Variants in PTPRQ observed in about 807,000 individuals in gnomAD.
The protein encoded by PTPRQ is phosphatidylinositol phosphatase PTPRQ.
Under a neutral mutation model 246.0 loss-of-function variants are expected in PTPRQ, and 199 were observed. The ratio of observed to expected loss-of-function variants is 0.81; its 90% CI spans 0.72 to 0.91. The LOEUF is 0.91. PTPRQ is among the 40% of genes least tolerant of loss of function. The probability of loss-of-function intolerance (pLI) is 0.00; values close to 1 mark genes in which losing one functional copy is unlikely to be tolerated. For synonymous variants in PTPRQ, 869 were observed against 853.2 expected (o/e 1.02, Z -0.32); for missense variants, 2,624 against 2,528.4 (o/e 1.04, Z -0.81).
intron 6 of PTPRQ, among the ~76,000 whole-genome samples, chr12:80,463,998 G>T (rs1489311585): frequency 6.6e-6 from 1 of 151,618 alleles, no homozygotes. Context: ...ATACTGACAG[G>T]TTCAAATTCA....
At chr12:80,543,543 A>G (rs865822125) in intron 23 of PTPRQ, among the ~76,000 whole-genome samples, 11 of 152,010 alleles carry the variant, frequency 7.2e-5, no homozygotes, top group South Asian at 2.1e-4. Context: ...TTTTTTCCCC[A>G]AAGGCAAATG....
chr12:80,566,244 G>A (rs756975229), intron 25 of PTPRQ, among the ~76,000 whole-genome samples: 33 of 152,138 alleles, frequency 2.2e-4, no homozygotes, highest in Admixed American at 2.0e-3. Context: ...TTGGGAGGCC[G>A]AGGCAGGTGG....
intron 25 of PTPRQ, among the ~76,000 whole-genome samples, chr12:80,552,509 C>T (rs1896504547): frequency 6.6e-6 from 1 of 150,878 alleles, no homozygotes. Context: ...TATACTGGTA[C>T]TCAAAGTGAC....
intron 8 of PTPRQ, among the ~76,000 whole-genome samples, chr12:80,477,414 A>T (rs1009873729): frequency 6.6e-6 from 1 of 152,156 alleles, no homozygotes; most frequent in Non-Finnish European, 1.5e-5. Context: ...TTCTCAAGAA[A>T]ATTATTTTTA....
At chr12:80,478,956 G>C (rs1592558691) in intron 8 of PTPRQ, among the ~76,000 whole-genome samples, 1 of 152,050 alleles carries the variant, frequency 6.6e-6, no homozygotes. Context: ...CACTCTGCAG[G>C]ATATTATCCA....
intron 24 of PTPRQ, 136 bp from the exon 25 acceptor site, chr12:80,549,329 G>A: frequency 9.1e-7 from 1 of 1,097,426 alleles, no homozygotes. Context: ...GACTTTTTAA[G>A]CACACATTGA....
intron 25 of PTPRQ, among the ~76,000 whole-genome samples, chr12:80,551,365 C>T (rs1029234209): frequency 3.9e-5 from 6 of 152,094 alleles, no homozygotes; most frequent in Admixed American, 6.6e-5. Flanking sequence ...CAATTTGCCC[C>T]TTCTCCACCT....
intron 25 of PTPRQ, among the ~76,000 whole-genome samples, chr12:80,587,291 CAT>C (rs759295999): frequency 5.3e-5 from 8 of 152,118 alleles, no homozygotes; most frequent in Non-Finnish European, 7.4e-5. Flanking sequence ...GTAATTTTCA[CAT>C]GTCATCATTT....
At chr12:80,491,479 A>G (rs889010821) in intron 9 of PTPRQ, among the ~76,000 whole-genome samples, 1 of 151,986 alleles carries the variant, frequency 6.6e-6, no homozygotes, top group African/African-American at 2.4e-5. Context: ...CCATACAAGG[A>G]CATAGGAACA....
intron 3 of PTPRQ, among the ~76,000 whole-genome samples, chr12:80,455,060 C>T (rs1242560207): frequency 1.3e-5 from 2 of 152,082 alleles, no homozygotes; most frequent in Admixed American, 6.5e-5. Flanking sequence ...GTAATCCCAG[C>T]TACTCTGGGG....
intron 8 of PTPRQ, among the ~76,000 whole-genome samples, chr12:80,481,468 A>T (rs992479206): frequency 1.3e-5 from 2 of 152,304 alleles, no homozygotes; most frequent in East Asian, 1.9e-4. Context: ...CTGGCACAAG[A>T]CAGGGATGCC....
Position 80,542,246 on chromosome 12 carries a change from T to C in PTPRQ, c.3603T>C (p.Asp1201=), listed in dbSNP as rs574064416. The C allele has an allele frequency of 1.1e-5, 17 of 1,550,750 alleles. No homozygotes were observed. The highest frequency in any genetic ancestry group is 2.0e-5 in the Admixed American group (1 of 50,928). ...AAAATTATTCTTTCATTACTTCTGATAATTACATAATATTGGAAGAGCTTT... is the reference window on the plus strand; with the variant it reads ...AAAATTATTCTTTCATTACTTCTGACAATTACATAATATTGGAAGAGCTTT... The part of the protein sequence containing the change: ...PNENYSFITS[D]NYIILEELSP... The change falls in exon 22 of 45, where the codon GAT becomes GAC. Residue 1201 remains aspartate, a synonymous_variant. Coordinates refer to ENST00000644991, the MANE Select transcript of PTPRQ (RefSeq NM_001145026.2).
chr12:80,670,703 T>A (rs1031523869), intron 42 of PTPRQ, among the ~76,000 whole-genome samples: 1 of 152,066 alleles, frequency 6.6e-6, no homozygotes, highest in Non-Finnish European at 1.5e-5. Flanking sequence ...TTTTTCACAG[T>A]TGAAGTTTGG....
chr12:80,658,481 T>A (rs892490349), intron 39 of PTPRQ, among the ~76,000 whole-genome samples: 4 of 152,060 alleles, frequency 2.6e-5, no homozygotes, highest in African/African-American at 9.7e-5. Flanking sequence ...CGGGTAATAA[T>A]GCCATCACCA....
intron 17 of PTPRQ, among the ~76,000 whole-genome samples, chr12:80,522,395 C>T (rs1183876079): frequency 6.6e-6 from 1 of 152,140 alleles, no homozygotes. Flanking sequence ...ACTTCCAACA[C>T]TATGTTGAAT....
intron 32 of PTPRQ, among the ~76,000 whole-genome samples, chr12:80,621,435 G>A (rs1898985148): frequency 6.6e-6 from 1 of 151,748 alleles, no homozygotes; most frequent in Non-Finnish European, 1.5e-5. Flanking sequence ...GTTTTTAAAT[G>A]CCCTTGTGCC....
chr12:80,591,811 C>A (rs1897811940), intron 26 of PTPRQ, among the ~76,000 whole-genome samples: 1 of 152,176 alleles, frequency 6.6e-6, no homozygotes, highest in African/African-American at 2.4e-5. Flanking sequence ...TTTGTGCCTG[C>A]TGCCACTAAG....
In PTPRQ at chr12:80,496,425, G is replaced by A. The variant is rs1296279242; in HGVS notation, c.2166G>A (p.Arg722=). 1 of 1,550,674 alleles carries A rather than the reference G, an allele frequency of 6.4e-7. No individual in the cohort carries two copies. Among genetic ancestry groups the A allele is most frequent in the Non-Finnish European group, 8.7e-7 (1 of 1,146,440 alleles). The stretch of plus-strand genomic sequence containing the variant: ...CATCAACAACAGACATAATATTAAG[G>A]AACTTAAGACCTCACACCCTCTATA... The part of the protein sequence containing the change: ...KNTSTTDIIL[R]NLRPHTLYNI... The change falls in exon 14 of 45, where the codon AGG becomes AGA. Residue 722 remains arginine (R), a synonymous_variant. Coordinates refer to ENST00000644991, the MANE Select transcript of PTPRQ (RefSeq NM_001145026.2).
chr12:80,544,362 C>A (rs1896243572), intron 23 of PTPRQ, among the ~76,000 whole-genome samples: 1 of 152,106 alleles, frequency 6.6e-6, no homozygotes, highest in African/African-American at 2.4e-5. Flanking sequence ...ATTGTAATAG[C>A]ACTAAGCATG....
Sources: gnomAD v4.1 joint callset for allele counts (sites outside exome capture counted in the v4.1 genomes callset) on GRCh38, gnomAD v4.1.1 for gene constraint, MANE v1.5 for transcripts, NCBI Gene and HGNC (gene_info 2026-07-23, HGNC 2026-07-21) for gene names.